Variants in TRPC4AP observed in about 807,000 individuals in gnomAD.
TRPC4AP encodes the protein transient receptor potential cation channel subfamily C member 4 associated protein.
TRPC4AP carries 45 observed loss-of-function variants against 99.0 expected under a neutral mutation model. The ratio of observed to expected loss-of-function variants is 0.45; its 90% CI spans 0.36 to 0.58. The LOEUF (loss-of-function observed/expected upper bound fraction) is 0.58. TRPC4AP is among the 20% of genes least tolerant of loss of function. The pLI is 0.00. For missense variants in TRPC4AP, 879 were observed against 985.3 expected (o/e 0.89, Z 1.44); for synonymous variants, 408 against 385.8 (o/e 1.06, Z -0.67).
rs1437439886 is a variant in TRPC4AP, at chr20:35,017,721, G to A, written c.1219-1582C>T. Among the ~76,000 whole-genome samples, 2 of 152,168 alleles carry A rather than the reference G, an allele frequency of 1.3e-5. 1 individual carries two copies. ...CATTTATCTTGGGAGACCAGAAGCT[G>A]ACAAAGACATCCCTGGCAGCCTCCA... On this transcript the variant is annotated intron_variant, in intron 9 of 18. Transcript: ENST00000252015.
intron 3 of TRPC4AP, among the ~76,000 whole-genome samples, chr20:35,060,647 G>A (rs1363475026): frequency 6.9e-6 from 1 of 144,778 alleles, no homozygotes; most frequent in Admixed American, 6.9e-5. Context: ...CTATGACAAA[G>A]TGGAATTTAT....
intron 1 of TRPC4AP, 26 bp downstream of exon 1, chr20:35,092,588 C>A (rs1312570129): frequency 1.4e-6 from 2 of 1,463,506 alleles, no homozygotes; most frequent in East Asian, 2.9e-5. Context: ...CCGCCCCGCC[C>A]CGCCCCTCCT....
chr20:35,019,695 T>A (rs2147292956), intron 9 of TRPC4AP, among the ~76,000 whole-genome samples: 2 of 152,322 alleles, frequency 1.3e-5, no homozygotes, highest in Non-Finnish European at 2.9e-5. Flanking sequence ...GTAATAGCAC[T>A]CAATGCATAA....
chr20:35,086,531 G>GTATATATATA lies in TRPC4AP; in HGVS notation c.168+6082_168+6083insTATATATATA, dbSNP rs1256974718. 1.5e-3 allele frequency among the ~76,000 whole-genome samples: 43 copies of GTATATATATA among 28,506 alleles called. 2 individuals carry two copies. The highest frequency in any genetic ancestry group is 0.024 in the Middle Eastern group (1 of 42). The allele number at this position is 28,506 out of a possible 152,430, so 18.7% of individuals were successfully genotyped here. On this transcript the variant is annotated intron_variant, in intron 1 of 18. Transcript: ENST00000252015. ...TATGTGTGTGTGTGTATATATGTGT[G>GTATATATATA]TGTGTGTGTGTGTGTGTGTGTGTGT...
intron 10 of TRPC4AP, among the ~76,000 whole-genome samples, chr20:35,014,974 G>C (rs2082716565): frequency 6.6e-6 from 1 of 152,190 alleles, no homozygotes; most frequent in South Asian, 2.1e-4. Context: ...AGCTAAAGGA[G>C]AGTGCTTGGG....
intron 9 of TRPC4AP, among the ~76,000 whole-genome samples, chr20:35,020,874 G>C (rs2082869744): frequency 6.6e-6 from 1 of 152,124 alleles, no homozygotes. Flanking sequence ...AACTCCTCTA[G>C]CATGTCCACA....
At chr20:35,055,318 AT>A (rs1299522950) in intron 4 of TRPC4AP, among the ~76,000 whole-genome samples, 1 of 151,076 alleles carries the variant, frequency 6.6e-6, no homozygotes, top group Non-Finnish European at 1.5e-5. Context: ...TAATAAAGCC[AT>A]TTTCCCTTAA....
At chr20:35,039,812 C>G (rs1280704030) in intron 7 of TRPC4AP, among the ~76,000 whole-genome samples, 1 of 151,934 alleles carries the variant, frequency 6.6e-6, no homozygotes, top group African/African-American at 2.4e-5. Flanking sequence ...ACTGGTAGTT[C>G]TGAGAATCTC....
intron 2 of TRPC4AP, among the ~76,000 whole-genome samples, chr20:35,071,012 A>G (rs2084298037): frequency 6.6e-6 from 1 of 151,314 alleles, no homozygotes. Flanking sequence ...CAATCTCCTG[A>G]GATTTTGCAA....
chr20:35,024,796 G>A (rs1317160209), intron 8 of TRPC4AP, among the ~76,000 whole-genome samples: 1 of 126,844 alleles, frequency 7.9e-6, no homozygotes, highest in African/African-American at 3.1e-5. Context: ...CCACTGCACT[G>A]TAGCCTAGGT....
chr20:35,090,563 G>A (rs1163093805), intron 1 of TRPC4AP, among the ~76,000 whole-genome samples: 1 of 151,856 alleles, frequency 6.6e-6, no homozygotes. Context: ...TAGTAGAGAC[G>A]GGGCTTCGCC....
At chr20:35,022,777 T>G (rs911826598) in intron 8 of TRPC4AP, among the ~76,000 whole-genome samples, 1 of 152,100 alleles carries the variant, frequency 6.6e-6, no homozygotes, top group African/African-American at 2.4e-5. Flanking sequence ...TCCCAGGACT[T>G]TGGGAGGCCG....
chr20:35,083,903 A>ACTAAACTG (rs778379583), intron 1 of TRPC4AP, among the ~76,000 whole-genome samples: 9 of 152,120 alleles, frequency 5.9e-5, no homozygotes, highest in African/African-American at 9.6e-5. Context: ...AAGCAGCTAA[A>ACTAAACTG]CTAAACTGCT....
chr20:35,081,358 A>G (rs2084641019), intron 1 of TRPC4AP, among the ~76,000 whole-genome samples: 1 of 151,538 alleles, frequency 6.6e-6, no homozygotes, highest in African/African-American at 2.4e-5. Flanking sequence ...ACCAAAGGAA[A>G]AAAAAAAAAA....
chr20:35,072,325 C>T (rs1368453387), intron 2 of TRPC4AP, among the ~76,000 whole-genome samples: 1 of 152,136 alleles, frequency 6.6e-6, no homozygotes, highest in Non-Finnish European at 1.5e-5. Context: ...GTTGCCATTG[C>T]TTTTGGTGTT....
At chr20:35,036,960 A>AACACAC (rs34177220) in intron 7 of TRPC4AP, among the ~76,000 whole-genome samples, 2 of 149,588 alleles carry the variant, frequency 1.3e-5, no homozygotes, top group African/African-American at 4.9e-5. Context: ...TGCGCACACA[A>AACACAC]ACACACACAC....
intron 2 of TRPC4AP, among the ~76,000 whole-genome samples, chr20:35,074,288 T>C (rs573358111): frequency 1.2e-4 from 19 of 152,224 alleles, no homozygotes; most frequent in Non-Finnish European, 2.6e-4. Context: ...GCTCTGATCT[T>C]AGTTATTTCT....
intron 8 of TRPC4AP, among the ~76,000 whole-genome samples, chr20:35,023,041 G>A (rs1010315193): frequency 4.4e-4 from 64 of 146,686 alleles, no homozygotes; most frequent in African/African-American, 1.6e-3. Context: ...AAAAAAAAAA[G>A]AGAGAATCTA....
chr20:35,029,994 C>T (rs1370577622), intron 8 of TRPC4AP, among the ~76,000 whole-genome samples: 5 of 146,964 alleles, frequency 3.4e-5, no homozygotes, highest in African/African-American at 1.2e-4. Context: ...GTAATCCCAG[C>T]ACTTTGGGAG....
Sources: allele counts gnomAD v4.1 joint callset (sites outside exome capture counted in the v4.1 genomes callset), GRCh38; gene constraint gnomAD v4.1.1; transcripts MANE v1.5; gene names NCBI Gene and HGNC (gene_info 2026-07-23, HGNC 2026-07-21).